Variants in CDH12 observed in about 807,000 individuals in gnomAD.
CDH12 encodes cadherin 12.
In CDH12, 41 loss-of-function variants were observed where a neutral mutation model predicts 74.1. The ratio of observed to expected loss-of-function variants is 0.55; its 90% CI spans 0.43 to 0.72. The LOEUF is 0.72. Ranked by LOEUF, CDH12 falls within the 30% of genes least tolerant of loss-of-function variation. The pLI, the probability that CDH12 is intolerant of heterozygous loss-of-function variation, is 0.00. For synonymous variants in CDH12, 399 were observed against 355.0 expected, an observed-to-expected ratio of 1.12 and a Z score of -1.39; for missense variants, 945 against 977.2, an observed-to-expected ratio of 0.97 and a Z score of 0.44.
Position 21,846,183 on chromosome 5 carries a change from C to T in CDH12, c.647-3855G>A, listed in dbSNP as rs150028587. Among the ~76,000 whole-genome samples, 958 of 152,256 alleles carry T rather than the reference C, an allele frequency of 6.3e-3. 14 individuals carry two copies. The highest frequency in any genetic ancestry group is 0.022 in the African/African-American group (918 of 41,568). ...ACCTAGCCCTAACCAGTTTTTCGCA[C>T]CTTATGCAAACAGTACACCTGGTCT... is the stretch of plus-strand genomic sequence containing the variant. On this transcript the variant is annotated intron_variant, in intron 7 of 14. Coordinates refer to ENST00000382254, the MANE Select transcript of CDH12 (RefSeq NM_004061.5).
intron 1 of CDH12, among the ~76,000 whole-genome samples, chr5:22,771,929 C>T (rs1746829930): frequency 1.3e-5 from 2 of 152,028 alleles, no homozygotes; most frequent in African/African-American, 4.8e-5. Flanking sequence ...TATAAACACA[C>T]ACGCACACAT....
chr5:22,594,717 T>C (rs542596910), intron 1 of CDH12, among the ~76,000 whole-genome samples: 5 of 152,312 alleles, frequency 3.3e-5, no homozygotes, highest in Admixed American at 3.3e-4. Flanking sequence ...AACAACTATG[T>C]ATTTATATTA....
At chr5:22,585,186 A>G (rs544435198) in intron 1 of CDH12, among the ~76,000 whole-genome samples, 1 of 152,198 alleles carries the variant, frequency 6.6e-6, no homozygotes, top group Non-Finnish European at 1.5e-5. Flanking sequence ...GGAATTCTAC[A>G]TTAGAGAATA....
intron 1 of CDH12, among the ~76,000 whole-genome samples, chr5:22,552,918 AAAAT>A (rs989479749): frequency 1.3e-5 from 2 of 152,190 alleles, no homozygotes; most frequent in South Asian, 2.1e-4. Context: ...GCTAAGAACT[AAAAT>A]AAATTTAAAA....
chr5:22,816,966 G>A (rs1230797515), intron 1 of CDH12, among the ~76,000 whole-genome samples: 1 of 152,090 alleles, frequency 6.6e-6, no homozygotes, highest in East Asian at 1.9e-4. Flanking sequence ...ATTTTCTTCT[G>A]TCTTCTCAAC....
At chr5:22,136,372 A>C (rs1288301875) in intron 4 of CDH12, among the ~76,000 whole-genome samples, 1 of 151,998 alleles carries the variant, frequency 6.6e-6, no homozygotes, top group Non-Finnish European at 1.5e-5. Context: ...ACTTCATAGA[A>C]GCTCTTATAA....
At chr5:22,079,514 G>A (rs1457834869) in intron 4 of CDH12, among the ~76,000 whole-genome samples, 3 of 152,036 alleles carry the variant, frequency 2.0e-5, no homozygotes, top group Admixed American at 6.6e-5. Flanking sequence ...ATGTAAAAGC[G>A]AATCATCTTA....
intron 4 of CDH12, among the ~76,000 whole-genome samples, chr5:22,092,832 AACAGTGGAAACAAATT>A (rs1418633854): frequency 6.6e-6 from 1 of 152,206 alleles, no homozygotes; most frequent in African/African-American, 2.4e-5. Context: ...ATCATAGCCG[AACAGTGGAAACAAATT>A]ACATAAAAAC....
rs111836170 is a variant in CDH12 at position 22,708,302 on chromosome 5, G to A, written c.-523+144756C>T. Among the ~76,000 whole-genome samples the A allele has an allele frequency of 6.1e-3, 930 of 152,200 alleles. 7 individuals are homozygous for A. The highest frequency in any genetic ancestry group is 0.027 in the Middle Eastern group (8 of 292). ...CACAGGGTCCCTTTATTTACAGTAC[G>A]CTTACTCAACACAAACATATGTACA... On this transcript the variant is annotated intron_variant, in intron 1 of 14. Coordinates refer to ENST00000382254, the MANE Select transcript of CDH12 (RefSeq NM_004061.5).
At chr5:22,275,118 G>A (rs1301467776) in intron 3 of CDH12, among the ~76,000 whole-genome samples, 1 of 152,078 alleles carries the variant, frequency 6.6e-6, no homozygotes, top group Non-Finnish European at 1.5e-5. Flanking sequence ...CACACACTGA[G>A]GCCTGTCAGG....
Position 21,974,134 on chromosome 5 carries a change from T to A in CDH12, c.526+957A>T, listed in dbSNP as rs527416018. Among the ~76,000 whole-genome samples, 7 of 152,300 alleles carry A rather than the reference T, an allele frequency of 4.6e-5. No individual in the cohort carries two copies. The East Asian group carries it at 1.4e-3, about 29-fold the overall frequency. Reference sequence around the variant, plus strand: ...CTCAGGGTAGCGTGCACAATCTTCATCACAAGTCCTGGGTGGTGGTAGGAG... The same window carrying A: ...CTCAGGGTAGCGTGCACAATCTTCAACACAAGTCCTGGGTGGTGGTAGGAG... On this transcript the variant is annotated intron_variant, in intron 6 of 14. Coordinates refer to ENST00000382254, the MANE Select transcript of CDH12 (RefSeq NM_004061.5).
intron 3 of CDH12, among the ~76,000 whole-genome samples, chr5:22,277,270 T>C (rs1019766806): frequency 5.3e-5 from 8 of 152,198 alleles, no homozygotes; most frequent in African/African-American, 1.7e-4. Flanking sequence ...ATGCTCTCAA[T>C]GGCAGACAAA....
chr5:22,422,896 T>G (rs1743716847), intron 2 of CDH12, among the ~76,000 whole-genome samples: 1 of 152,140 alleles, frequency 6.6e-6, no homozygotes, highest in African/African-American at 2.4e-5. Flanking sequence ...ATATATATTA[T>G]TTTTCTTGAT....
At chr5:22,730,880 TAAAAC>T (rs1180289685) in intron 1 of CDH12, among the ~76,000 whole-genome samples, 1 of 151,868 alleles carries the variant, frequency 6.6e-6, no homozygotes, top group Non-Finnish European at 1.5e-5. Flanking sequence ...AATAAAAGAT[TAAAAC>T]AGAAGAAATA....
intron 5 of CDH12, among the ~76,000 whole-genome samples, chr5:22,023,440 T>A (rs1738128253): frequency 6.6e-6 from 1 of 152,168 alleles, no homozygotes; most frequent in African/African-American, 2.4e-5. Context: ...ATGTATCCTG[T>A]GATGACAATG....
chr5:22,419,997 T>G (rs1030544740), intron 2 of CDH12, among the ~76,000 whole-genome samples: 2 of 152,084 alleles, frequency 1.3e-5, no homozygotes, highest in Non-Finnish European at 2.9e-5. Flanking sequence ...AATGGGGTTT[T>G]TTTTTGTTTG....
intron 2 of CDH12, among the ~76,000 whole-genome samples, chr5:22,425,649 C>T (rs1424100292): frequency 6.6e-6 from 1 of 151,664 alleles, no homozygotes; most frequent in Non-Finnish European, 1.5e-5. Context: ...AAGATTGTAC[C>T]TTGTATTTTT....
At chr5:21,860,768 C>CA (rs1263911657) in intron 6 of CDH12, among the ~76,000 whole-genome samples, 2 of 151,998 alleles carry the variant, frequency 1.3e-5, no homozygotes, top group African/African-American at 2.4e-5. Flanking sequence ...TGTGGTTTGT[C>CA]AGGGGCTCTT....
At chr5:22,038,658 A>G (rs1386693671) in intron 5 of CDH12, among the ~76,000 whole-genome samples, 2 of 152,158 alleles carry the variant, frequency 1.3e-5, no homozygotes, top group African/African-American at 4.8e-5. Flanking sequence ...AGTTGAAGCA[A>G]TATTCTGGCT....
Sources: allele counts gnomAD v4.1 joint callset (sites outside exome capture counted in the v4.1 genomes callset), GRCh38; gene constraint gnomAD v4.1.1; transcripts MANE v1.5; gene names NCBI Gene and HGNC (gene_info 2026-07-23, HGNC 2026-07-21).